DSCAM: variants seen among roughly 807,000 people sequenced by gnomAD.
DSCAM encodes DS cell adhesion molecule.
Under a neutral mutation model 217.7 loss-of-function variants are expected in DSCAM, and 47 were observed. The ratio of observed to expected loss-of-function variants is 0.22; its 90% confidence interval spans 0.17 to 0.28. The LOEUF (loss-of-function observed/expected upper bound fraction) is 0.28, where lower values mean the gene tolerates loss of function less well. Among genes scored for constraint, DSCAM ranks in the 10% least tolerant of loss-of-function variants. The probability of loss-of-function intolerance (pLI) is 1.00; values close to 1 mark genes in which losing one functional copy is unlikely to be tolerated. For missense variants in DSCAM, 2,080 were observed against 2,618.3 expected (o/e 0.79, Z 4.49); for synonymous variants, 1,056 against 1,015.3 (o/e 1.04, Z -0.76).
chr21:40,248,900 C>T (rs2073264231), intron 11 of DSCAM, among the ~76,000 whole-genome samples: 1 of 152,192 alleles, frequency 6.6e-6, no homozygotes, highest in Admixed American at 6.5e-5. Flanking sequence ...AGGCGAAAGC[C>T]ACTTCTTACA....
intron 3 of DSCAM, among the ~76,000 whole-genome samples, chr21:40,635,628 T>C (rs988565715): frequency 6.6e-6 from 1 of 152,154 alleles, no homozygotes; most frequent in African/African-American, 2.4e-5. Flanking sequence ...GGATTGAGAA[T>C]GTGTGGACAG....
chr21:40,708,792 G>C (rs771656927), intron 1 of DSCAM, 21 bp from the exon 2 acceptor site: 13 of 1,466,162 alleles, frequency 8.9e-6, no homozygotes, highest in South Asian at 3.1e-5. Context: ...ACAACACAGG[G>C]ATCCATAGGT....
chr21:40,263,249 T>C (rs1298966726), intron 11 of DSCAM, among the ~76,000 whole-genome samples: 1 of 152,230 alleles, frequency 6.6e-6, no homozygotes, highest in Non-Finnish European at 1.5e-5. Flanking sequence ...TAAATTATTC[T>C]ATAAATAATT....
chr21:40,132,817 A>G (rs2090167468), intron 19 of DSCAM, among the ~76,000 whole-genome samples: 2 of 152,174 alleles, frequency 1.3e-5, no homozygotes, highest in African/African-American at 4.8e-5. Flanking sequence ...CTTTGCTTCC[A>G]TCAGAGCAGA....
intron 3 of DSCAM, among the ~76,000 whole-genome samples, chr21:40,401,977 C>G (rs977244387): frequency 6.6e-6 from 1 of 151,768 alleles, no homozygotes; most frequent in African/African-American, 2.4e-5. Flanking sequence ...TTTTAAGTTC[C>G]CCGTGTGGTT....
chr21:40,239,975 G>A (rs1445227324), intron 11 of DSCAM, among the ~76,000 whole-genome samples: 1 of 152,148 alleles, frequency 6.6e-6, no homozygotes, highest in Non-Finnish European at 1.5e-5. Flanking sequence ...GGATAGGGAG[G>A]CTAGATTCAC....
intron 32 of DSCAM, among the ~76,000 whole-genome samples, chr21:40,035,883 A>G (rs1452114333): frequency 8.8e-5 from 13 of 148,148 alleles, no homozygotes; most frequent in African/African-American, 1.8e-4. Flanking sequence ...GCTCAACTAC[A>G]TGGAAACTGA....
At chr21:40,423,355 A>G (rs527819142) in intron 3 of DSCAM, among the ~76,000 whole-genome samples, 1 of 152,264 alleles carries the variant, frequency 6.6e-6, no homozygotes, top group Admixed American at 6.5e-5. Context: ...ACAACGAGAG[A>G]GAGAGAGATT....
At chr21:40,738,158 T>C (rs929736909) in intron 1 of DSCAM, among the ~76,000 whole-genome samples, 1 of 152,226 alleles carries the variant, frequency 6.6e-6, no homozygotes, top group African/African-American at 2.4e-5. Context: ...TTGCTTGATA[T>C]TTTACATCAG....
intron 11 of DSCAM, among the ~76,000 whole-genome samples, chr21:40,214,950 A>ATCAACCTGAG (rs377368386): frequency 0.014 from 1,448 of 103,776 alleles, 182 homozygotes; most frequent in Middle Eastern, 0.029. Context: ...AAGATATGGA[A>ATCAACCTGAG]TCCTCACGCC....
chr21:40,350,202 A>G (rs955843406), intron 5 of DSCAM, among the ~76,000 whole-genome samples: 2 of 152,228 alleles, frequency 1.3e-5, no homozygotes, highest in East Asian at 1.9e-4. Context: ...AAACCTAGTC[A>G]ATACCATTCA....
intron 1 of DSCAM, among the ~76,000 whole-genome samples, chr21:40,717,994 G>A (rs1478186799): frequency 6.6e-6 from 1 of 152,090 alleles, no homozygotes; most frequent in African/African-American, 2.4e-5. Context: ...GGTGAGAAGG[G>A]AGAAAAAAGG....
intron 10 of DSCAM, among the ~76,000 whole-genome samples, chr21:40,285,698 C>T (rs550773279): frequency 1.3e-5 from 2 of 152,182 alleles, no homozygotes; most frequent in African/African-American, 4.8e-5. Flanking sequence ...GGGGAACACA[C>T]AACACACAAG....
At chr21:40,459,737 T>A (rs975043481) in intron 3 of DSCAM, among the ~76,000 whole-genome samples, 1 of 152,064 alleles carries the variant, frequency 6.6e-6, no homozygotes, top group Non-Finnish European at 1.5e-5. Flanking sequence ...ATGAAAGATA[T>A]TTTTTTCTCC....
chr21:40,319,636 TTAGGAAACTTCCTA>T (rs1007737880), intron 8 of DSCAM, among the ~76,000 whole-genome samples: 10 of 152,204 alleles, frequency 6.6e-5, no homozygotes, highest in African/African-American at 2.2e-4. Context: ...ATAAATTTTT[TTAGGAAACTTCCTA>T]TTGTTTCCTA....
In DSCAM at chr21:40,075,054, C is replaced by T. The variant is rs1383969769; in HGVS notation, c.4871G>A (p.Arg1624Lys). The T allele has an allele frequency of 6.2e-7, 1 of 1,614,194 alleles. No homozygotes were observed. Among genetic ancestry groups the T allele is most frequent in the South Asian group, 1.1e-5 (1 of 91,082 alleles). The stretch of plus-strand genomic sequence containing the variant: ...GGACCTACCTCGCAGCCTCTTTAGC[C>T]TCTGCTCCCGCCGCCTCCTCCGCAC... ...LVVRRRRREQ[R>K]LKRLRDAKSL... is the part of the protein sequence containing the mutation. Residue 1624 changes from arginine (R) to lysine (K), a missense_variant, in exon 27 of 33, where the codon AGG (arginine) becomes AAG (lysine). Physicochemically the swap from Arg to Lys is conservative, Grantham distance 26. Around this residue, in one of 5 missense-constraint regions of DSCAM, gnomAD observed 1,144 missense variants for 1,421.1 expected, o/e 0.81. Transcript: ENST00000400454.
rs763376801 is a variant in DSCAM at position 40,067,742 on chromosome 21, TTCCC to T, written c.4889-4847_4889-4844del. ...TCCCCTCATTCCCTCCCTCCCCTCA[TTCCC>T]TCCCTCCCTCCCTCCCTCCCTCCCT... On this transcript the variant is annotated intron_variant, in intron 27 of 32. Coordinates refer to ENST00000400454, the MANE Select transcript of DSCAM (RefSeq NM_001389.5). Among the ~76,000 whole-genome samples, 62 of 39,838 alleles carry T rather than the reference TTCCC, an allele frequency of 1.6e-3. 1 individual carries two copies. The highest frequency in any genetic ancestry group is 4.5e-3 in the South Asian group (3 of 674). The allele number at this position is 39,838 out of a possible 152,430, so 26.1% of individuals were successfully genotyped here.
At chr21:40,495,287 G>A (rs911460449) in intron 3 of DSCAM, among the ~76,000 whole-genome samples, 10 of 152,064 alleles carry the variant, frequency 6.6e-5, no homozygotes, top group African/African-American at 2.4e-4. Flanking sequence ...AAAATTGCAG[G>A]CCCGTATCCT....
chr21:40,780,776 C>A (rs2091536750), intron 1 of DSCAM, among the ~76,000 whole-genome samples: 2 of 152,008 alleles, frequency 1.3e-5, no homozygotes, highest in Admixed American at 1.3e-4. Flanking sequence ...ACACCTTGGT[C>A]TCAGAAATCC....
Sources: allele counts gnomAD v4.1 joint callset (sites outside exome capture counted in the v4.1 genomes callset), GRCh38; gene constraint gnomAD v4.1.1; regional missense constraint gnomAD v4.1.1; transcripts MANE v1.5; gene names NCBI Gene and HGNC (gene_info 2026-07-23, HGNC 2026-07-21).